Variants in ATP6V0A1 observed in about 807,000 individuals in gnomAD.
ATP6V0A1 encodes the protein V-type proton ATPase 116 kDa subunit a 1.
ATP6V0A1 carries 43 observed loss-of-function variants against 105.4 expected under a neutral mutation model. The observed-to-expected ratio is 0.41, with a 90% CI of 0.32 to 0.53. The LOEUF is 0.53. ATP6V0A1 is among the 20% of genes least tolerant of loss of function. The pLI is 0.30. For missense variants in ATP6V0A1, 676 were observed against 1,051.1 expected (o/e 0.64, Z 4.93); for synonymous variants, 362 against 372.8 (o/e 0.97, Z 0.33).
chr17:42,500,965 TG>T, intron 16 of ATP6V0A1, 42 bp downstream of exon 16: 1 of 1,570,226 alleles, frequency 6.4e-7, no homozygotes, highest in Non-Finnish European at 8.8e-7. Context: ...TGATTATACT[TG>T]ATCAGGAAGC....
chr17:42,462,988 G>A (rs2086608035), intron 2 of ATP6V0A1, among the ~76,000 whole-genome samples: 1 of 143,308 alleles, frequency 7.0e-6, no homozygotes, highest in African/African-American at 2.6e-5. Context: ...ACCCCAATCA[G>A]GATATGGAAC....
intron 15 of ATP6V0A1, among the ~76,000 whole-genome samples, chr17:42,499,664 T>C (rs1470416932): frequency 6.6e-6 from 1 of 151,048 alleles, no homozygotes; most frequent in East Asian, 1.9e-4. Flanking sequence ...GGCGTGCACC[T>C]GTAATCCCAG....
intron 8 of ATP6V0A1, 81 bp downstream of exon 8, chr17:42,480,830 C>T: frequency 7.6e-7 from 1 of 1,314,444 alleles, no homozygotes; most frequent in Non-Finnish European, 1.1e-6. Context: ...TAGTGAAATA[C>T]AAATCCTTTT....
chr17:42,485,725 T>C (rs944332205), intron 9 of ATP6V0A1, among the ~76,000 whole-genome samples: 1 of 152,072 alleles, frequency 6.6e-6, no homozygotes, highest in African/African-American at 2.4e-5. Context: ...TAATTATTTT[T>C]TGGTATGTTT....
chr17:42,512,452 C>T (rs1482290839), intron 19 of ATP6V0A1, among the ~76,000 whole-genome samples: 2 of 152,146 alleles, frequency 1.3e-5, no homozygotes, highest in Non-Finnish European at 2.9e-5. Context: ...GGGGCGGCAG[C>T]CAGCAGTGGT....
Position 42,480,733 on chromosome 17 carries a change from A to G in ATP6V0A1, c.700A>G (p.Lys234Glu), listed in dbSNP as rs1475772702. The G allele has an allele frequency of 1.2e-6, 2 of 1,613,804 alleles. No individual in the cohort carries two copies. The highest frequency in any genetic ancestry group is 1.1e-5 in the South Asian group (1 of 91,038). The change falls in exon 8 of 22, where the codon AAG becomes GAG. Residue 234 changes from lysine to glutamate, a missense_variant. Physicochemically the swap from Lys to Glu is moderately conservative, Grantham distance 56 (BLOSUM62 1). Transcript: ENST00000343619. ...FQGDQLKNRV[K>E]KICEGFRASL... is the part of the protein sequence containing the mutation. Reference sequence around the variant, plus strand: ...AGGCGATCAGCTGAAAAACAGAGTCAAGAAAATCTGTGAAGGGTAAGAGAG... The same window carrying G: ...AGGCGATCAGCTGAAAAACAGAGTCGAGAAAATCTGTGAAGGGTAAGAGAG...
At chr17:42,520,284 G>A (rs902841683) in intron 21 of ATP6V0A1, 10 of 369,778 alleles carry the variant, frequency 2.7e-5, no homozygotes, top group African/African-American at 2.1e-4. Flanking sequence ...TGTCCAGGGT[G>A]AGTTTGCAGG....
chr17:42,488,578 C>T (rs1395881601), intron 10 of ATP6V0A1, among the ~76,000 whole-genome samples: 4 of 151,998 alleles, frequency 2.6e-5, no homozygotes, highest in Non-Finnish European at 5.9e-5. Flanking sequence ...CTTAAGCAAT[C>T]CTCCCACTTC....
At chr17:42,462,580 C>T (rs926826209) in intron 2 of ATP6V0A1, among the ~76,000 whole-genome samples, 17 of 151,674 alleles carry the variant, frequency 1.1e-4, no homozygotes, top group African/African-American at 3.9e-4. Flanking sequence ...CCACCATGCC[C>T]AGCTAATTTT....
intron 11 of ATP6V0A1, among the ~76,000 whole-genome samples, chr17:42,492,916 G>A (rs2090799195): frequency 6.6e-6 from 1 of 152,016 alleles, no homozygotes; most frequent in Non-Finnish European, 1.5e-5. Context: ...TACTCAGGAG[G>A]CCTAGACAGG....
intron 11 of ATP6V0A1, among the ~76,000 whole-genome samples, chr17:42,492,612 A>G (rs554544604): frequency 1.2e-3 from 186 of 150,950 alleles, no homozygotes; most frequent in African/African-American, 4.4e-3. Context: ...AGGCTGAGGC[A>G]GGAGAATCAC....
chr17:42,520,139 T>C (rs1027582172), intron 21 of ATP6V0A1: 2 of 274,948 alleles, frequency 7.3e-6, no homozygotes, highest in South Asian at 3.7e-5. Context: ...CCTGTTCTTA[T>C]AGGGGCTCCG....
intron 5 of ATP6V0A1, 31 bp from the exon 6 acceptor site, chr17:42,477,629 G>A: frequency 6.2e-7 from 1 of 1,609,356 alleles, no homozygotes; most frequent in Non-Finnish European, 8.5e-7. Flanking sequence ...TAATTGATTT[G>A]TGAATTCAGG....
chr17:42,507,263 T>C (rs1435770543), intron 17 of ATP6V0A1: 3 of 381,254 alleles, frequency 7.9e-6, no homozygotes, highest in Non-Finnish European at 1.5e-5. Flanking sequence ...TGGTGCCTCT[T>C]GGCACAGCAG....
chr17:42,481,248 A>C (rs1257502909), intron 8 of ATP6V0A1: 1 of 140,482 alleles, frequency 7.1e-6, no homozygotes, highest in African/African-American at 2.7e-5. Context: ...TTTCTGACCG[A>C]GTCTCCCTCC....
chr17:42,496,780 G>A (rs1289162388), intron 14 of ATP6V0A1, among the ~76,000 whole-genome samples: 1 of 152,062 alleles, frequency 6.6e-6, no homozygotes, highest in African/African-American at 2.4e-5. Context: ...AGGTTGCAGT[G>A]AGCCCAGATC....
At chr17:42,487,591 G>A (rs2090225808) in intron 10 of ATP6V0A1, among the ~76,000 whole-genome samples, 1 of 152,108 alleles carries the variant, frequency 6.6e-6, no homozygotes. Context: ...AGCCGGGCGT[G>A]TTGGCAGGCG....
intron 5 of ATP6V0A1, among the ~76,000 whole-genome samples, chr17:42,472,459 T>G (rs1020506400): frequency 6.6e-6 from 1 of 152,052 alleles, no homozygotes; most frequent in Non-Finnish European, 1.5e-5. Flanking sequence ...GCGCGGTGGC[T>G]AACGCCTATA....
intron 19 of ATP6V0A1, among the ~76,000 whole-genome samples, chr17:42,513,049 C>T (rs1020162052): frequency 4.6e-5 from 7 of 152,204 alleles, no homozygotes; most frequent in Non-Finnish European, 1.5e-5. Flanking sequence ...AAAGTTCACT[C>T]CCAAGAGCTT....
Sources: allele counts gnomAD v4.1 joint callset (sites outside exome capture counted in the v4.1 genomes callset), GRCh38; gene constraint gnomAD v4.1.1; transcripts MANE v1.5; gene names NCBI Gene and HGNC (gene_info 2026-07-23, HGNC 2026-07-21).